The following PRKG1 variants were observed in gnomAD, a reference collection of about 807,000 sequenced individuals.
The protein encoded by PRKG1 is cGMP-dependent protein kinase 1.
Under a neutral mutation model 88.1 loss-of-function variants are expected in PRKG1, and 35 were observed. That is an observed-to-expected ratio of 0.40 (90% CI 0.30 to 0.53). The LOEUF (loss-of-function observed/expected upper bound fraction) is 0.53. Ranked by LOEUF, PRKG1 falls within the 20% of genes least tolerant of loss-of-function variation. The pLI is 0.59. For synonymous variants in PRKG1, 303 were observed against 292.5 expected, an observed-to-expected ratio of 1.04 and a Z score of -0.37; for missense variants, 540 against 839.8, an observed-to-expected ratio of 0.64 and a Z score of 4.41.
intron 7 of PRKG1, among the ~76,000 whole-genome samples, chr10:52,072,159 T>TTTTTTTTTTTTTTTC (rs1846515882): frequency 1.7e-4 from 1 of 5,760 alleles, no homozygotes; most frequent in Non-Finnish European, 1.5e-3. Context: ...ATTGTTTTGC[T>TTTTTTTTTTTTTTTC]TTTTTTTTTT....
At chr10:51,851,828 C>T (rs139383287) in intron 4 of PRKG1, among the ~76,000 whole-genome samples, 11 of 152,152 alleles carry the variant, frequency 7.2e-5, no homozygotes, top group South Asian at 6.2e-4. Flanking sequence ...CCAAGGTTGG[C>T]GAATAAATTA....
intron 2 of PRKG1, among the ~76,000 whole-genome samples, chr10:51,355,205 T>C (rs1588876022): frequency 6.6e-6 from 1 of 152,130 alleles, no homozygotes; most frequent in East Asian, 1.9e-4. Context: ...ACTATTGTTA[T>C]TTCCATCTGT....
At chr10:52,118,224 A>G (rs1424848565) in intron 7 of PRKG1, among the ~76,000 whole-genome samples, 1 of 151,924 alleles carries the variant, frequency 6.6e-6, no homozygotes, top group Non-Finnish European at 1.5e-5. Flanking sequence ...TCTCTGTTTA[A>G]AGGATGTTTC....
At chr10:51,337,898 G>C (rs1238427411) in intron 2 of PRKG1, among the ~76,000 whole-genome samples, 1 of 152,116 alleles carries the variant, frequency 6.6e-6, no homozygotes, top group East Asian at 1.9e-4. Context: ...CCCATTGCTG[G>C]ATATAAGCCC....
chr10:50,992,303 T>C (rs1842791304), intron 1 of PRKG1, among the ~76,000 whole-genome samples: 1 of 152,140 alleles, frequency 6.6e-6, no homozygotes, highest in African/African-American at 2.4e-5. Flanking sequence ...TCAAGGCAGC[T>C]GTGATGTCAG....
At chr10:52,226,287 T>A (rs1195217485) in intron 9 of PRKG1, among the ~76,000 whole-genome samples, 1 of 152,154 alleles carries the variant, frequency 6.6e-6, no homozygotes, top group East Asian at 1.9e-4. Flanking sequence ...TTTACCACAG[T>A]CTATGAAATG....
At chr10:51,156,324 C>CACACACA (rs1564620908) in intron 2 of PRKG1, among the ~76,000 whole-genome samples, 1 of 139,656 alleles carries the variant, frequency 7.2e-6, no homozygotes, top group South Asian at 2.1e-4. Context: ...AACACACACA[C>CACACACA]CCGAATGTAA....
chr10:52,066,542 T>C (rs1257890644), intron 7 of PRKG1, among the ~76,000 whole-genome samples: 1 of 152,124 alleles, frequency 6.6e-6, no homozygotes, highest in East Asian at 1.9e-4. Flanking sequence ...ATTCAGGACT[T>C]GAATTTGCCT....
At chr10:51,808,845 G>T (rs1183754089) in intron 4 of PRKG1, among the ~76,000 whole-genome samples, 2 of 152,112 alleles carry the variant, frequency 1.3e-5, no homozygotes, top group East Asian at 3.8e-4. Flanking sequence ...TCTAGCAAAG[G>T]ATCATGCAAA....
intron 3 of PRKG1, among the ~76,000 whole-genome samples, chr10:51,606,492 A>G (rs1011745803): frequency 1.3e-4 from 20 of 152,196 alleles, no homozygotes; most frequent in African/African-American, 4.1e-4. Flanking sequence ...GAAGCTTCCA[A>G]TTGAAGACAG....
chr10:51,617,371 T>A (rs1224569245), intron 3 of PRKG1, among the ~76,000 whole-genome samples: 3 of 151,764 alleles, frequency 2.0e-5, no homozygotes, highest in Admixed American at 6.6e-5. Flanking sequence ...GCTATTTTGG[T>A]TTTTAGGGGA....
intron 3 of PRKG1, among the ~76,000 whole-genome samples, chr10:51,675,434 A>G (rs1350709584): frequency 3.3e-5 from 5 of 152,190 alleles, no homozygotes; most frequent in African/African-American, 9.6e-5. Flanking sequence ...TTATCAAGTC[A>G]AGACATCATC....
At chr10:51,775,267 G>A (rs1838404467) in intron 3 of PRKG1, among the ~76,000 whole-genome samples, 1 of 152,032 alleles carries the variant, frequency 6.6e-6, no homozygotes, top group Non-Finnish European at 1.5e-5. Flanking sequence ...TTGTTTTAGT[G>A]CACAAATACT....
chr10:51,004,065 G>A (rs1466185018), intron 1 of PRKG1, among the ~76,000 whole-genome samples: 1 of 152,126 alleles, frequency 6.6e-6, no homozygotes, highest in Non-Finnish European at 1.5e-5. Context: ...TCCAAACAGT[G>A]AGAGTCCTAG....
intron 2 of PRKG1, among the ~76,000 whole-genome samples, chr10:51,388,075 G>T (rs1040454193): frequency 7.2e-5 from 11 of 152,160 alleles, no homozygotes; most frequent in Admixed American, 5.9e-4. Context: ...TTGAAGAAAT[G>T]ATGTGGTATA....
chr10:51,109,177 G>A (rs911430277), intron 1 of PRKG1, among the ~76,000 whole-genome samples: 2 of 151,876 alleles, frequency 1.3e-5, no homozygotes, highest in African/African-American at 4.8e-5. Context: ...ATAGTTTTAG[G>A]GCAATCCCAA....
chr10:52,293,313 T>C (rs1191706044), intron 17 of PRKG1, among the ~76,000 whole-genome samples: 3 of 151,438 alleles, frequency 2.0e-5, no homozygotes, highest in Non-Finnish European at 4.4e-5. Context: ...GAAGAATCAA[T>C]ATCGTGAAAA....
chr10:51,673,885 T>A (rs1419392712), intron 3 of PRKG1, among the ~76,000 whole-genome samples: 5 of 152,218 alleles, frequency 3.3e-5, no homozygotes, highest in Non-Finnish European at 7.3e-5. Context: ...GCTTTTTTAA[T>A]GTGAATATAA....
chr10:52,093,098 C>T (rs556267411), intron 7 of PRKG1, among the ~76,000 whole-genome samples: 1 of 152,144 alleles, frequency 6.6e-6, no homozygotes, highest in African/African-American at 2.4e-5. Flanking sequence ...TTCAAGAAAA[C>T]CTTGGATGTA....
Sources: gnomAD v4.1 joint callset for allele counts (sites outside exome capture counted in the v4.1 genomes callset) on GRCh38, gnomAD v4.1.1 for gene constraint, MANE v1.5 for transcripts, NCBI Gene and HGNC (gene_info 2026-07-23, HGNC 2026-07-21) for gene names.